Variants in AP2B1 observed in about 807,000 individuals in gnomAD.
The protein encoded by AP2B1 is adaptor related protein complex 2 subunit beta 1, also known as AP-2 complex subunit beta.
AP2B1 carries 23 observed loss-of-function variants against 102.0 expected under a neutral mutation model. The ratio of observed to expected loss-of-function variants is 0.23; its 90% CI spans 0.16 to 0.32. The LOEUF is 0.32. AP2B1 is among the 10% of genes least tolerant of loss of function. AP2B1 has a pLI of 1.00. For missense variants in AP2B1, 541 were observed against 1,157.4 expected, an observed-to-expected ratio of 0.47 and a Z score of 7.73; for synonymous variants, 381 against 421.2, an observed-to-expected ratio of 0.90 and a Z score of 1.17.
At chr17:35,644,782 C>T (rs2074879650) in intron 12 of AP2B1, among the ~76,000 whole-genome samples, 1 of 152,094 alleles carries the variant, frequency 6.6e-6, no homozygotes, top group South Asian at 2.1e-4. Context: ...ACCTGCAATT[C>T]CAGCACTTTG....
chr17:35,618,530 G>A (rs919906625), intron 5 of AP2B1, among the ~76,000 whole-genome samples: 2 of 152,154 alleles, frequency 1.3e-5, no homozygotes, highest in African/African-American at 2.4e-5. Context: ...TTACTTAACA[G>A]GAAGAAGTCA....
chr17:35,671,648 G>A (rs761850468), intron 15 of AP2B1, 106 bp from the exon 16 acceptor site: 17 of 1,127,908 alleles, frequency 1.5e-5, no homozygotes, highest in Non-Finnish European at 2.2e-5. Flanking sequence ...TAATTATGGT[G>A]TTTTCTTATT....
intron 13 of AP2B1, among the ~76,000 whole-genome samples, chr17:35,652,861 T>C (rs1280640300): frequency 6.6e-6 from 1 of 152,228 alleles, no homozygotes; most frequent in Admixed American, 6.5e-5. Context: ...CTAAATGGTA[T>C]GTCAGAAGAT....
intron 6 of AP2B1, among the ~76,000 whole-genome samples, chr17:35,625,296 G>A (rs2074284505): frequency 6.6e-6 from 1 of 152,134 alleles, no homozygotes; most frequent in Non-Finnish European, 1.5e-5. Flanking sequence ...TTTTAATTAT[G>A]GTATTTAAGA....
chr17:35,667,898 T>C (rs566769411), intron 14 of AP2B1, among the ~76,000 whole-genome samples: 64 of 151,444 alleles, frequency 4.2e-4, no homozygotes, highest in Admixed American at 1.2e-3. Flanking sequence ...ACATTTTTCG[T>C]AGGATCCTTT....
At chr17:35,591,214 G>C (rs936471655) in intron 1 of AP2B1, among the ~76,000 whole-genome samples, 24 of 151,390 alleles carry the variant, frequency 1.6e-4, no homozygotes, top group African/African-American at 5.6e-4. Context: ...GGCTGGGCAC[G>C]GTGATCCCAA....
chr17:35,719,673 G>A, intron 21 of AP2B1, among the ~76,000 whole-genome samples: 1 of 152,156 alleles, frequency 6.6e-6, no homozygotes, highest in African/African-American at 2.4e-5. Flanking sequence ...AAGTTTGGAA[G>A]TAATTGTAAA....
At chr17:35,632,000 T>C (rs1314142659) in intron 9 of AP2B1, among the ~76,000 whole-genome samples, 2 of 152,242 alleles carry the variant, frequency 1.3e-5, no homozygotes, top group Non-Finnish European at 2.9e-5. Context: ...GAAGTTTAGA[T>C]TTTTGTATCA....
chr17:35,615,529 TATATTTGGTATTC>T (rs1318758948), intron 5 of AP2B1, among the ~76,000 whole-genome samples: 8 of 152,224 alleles, frequency 5.3e-5, no homozygotes, highest in Admixed American at 2.6e-4. Context: ...TTTGTCAGAA[TATATTTGGTATTC>T]ATGTAGGCTA....
chr17:35,644,243 G>GTT (rs946260812), intron 12 of AP2B1, among the ~76,000 whole-genome samples: 63 of 152,310 alleles, frequency 4.1e-4, no homozygotes, highest in African/African-American at 1.5e-3. Context: ...TAGTCTGAAG[G>GTT]TTAAGAATGA....
chr17:35,703,839 C>A (rs12944227), intron 18 of AP2B1, among the ~76,000 whole-genome samples: 1 of 7,892 alleles, frequency 1.3e-4, no homozygotes, highest in Non-Finnish European at 2.2e-4. Context: ...AATAAAAGTT[C>A]AGTTTTAGAC....
chr17:35,629,253 G>A (rs2142597639), intron 9 of AP2B1, among the ~76,000 whole-genome samples: 2 of 152,176 alleles, frequency 1.3e-5, no homozygotes, highest in Middle Eastern at 6.8e-3. Flanking sequence ...TGGCCCTGGA[G>A]TTTCTTTAAT....
intron 5 of AP2B1, among the ~76,000 whole-genome samples, chr17:35,623,284 C>T (rs1265023659): frequency 6.6e-6 from 1 of 152,080 alleles, no homozygotes; most frequent in East Asian, 1.9e-4. Context: ...AATTTTTCAG[C>T]CGGGCATGGT....
chr17:35,598,432 A>G (rs2073364235), intron 3 of AP2B1, 97 bp downstream of exon 3: 2 of 683,316 alleles, frequency 2.9e-6, no homozygotes, highest in South Asian at 6.0e-5. Context: ...TAATCATAGA[A>G]CCTCTAAGAA....
At chr17:35,703,471 C>T (rs950974150) in intron 18 of AP2B1, among the ~76,000 whole-genome samples, 2 of 152,100 alleles carry the variant, frequency 1.3e-5, no homozygotes, top group Non-Finnish European at 2.9e-5. Context: ...AAATGTGGTA[C>T]ATGTATACCG....
At chr17:35,672,705 C>T (rs1443877192) in intron 16 of AP2B1, among the ~76,000 whole-genome samples, 1 of 152,152 alleles carries the variant, frequency 6.6e-6, no homozygotes, top group African/African-American at 2.4e-5. Context: ...AACTCGGTAG[C>T]TTTGTTGTAA....
At chr17:35,710,763 TATC>T (rs1260880454) in intron 20 of AP2B1, among the ~76,000 whole-genome samples, 1 of 152,234 alleles carries the variant, frequency 6.6e-6, no homozygotes, top group Non-Finnish European at 1.5e-5. Flanking sequence ...TGAAATAATG[TATC>T]ATCATTAGTG....
At chr17:35,683,507 G>A (rs1474960202) in intron 18 of AP2B1, among the ~76,000 whole-genome samples, 1 of 152,180 alleles carries the variant, frequency 6.6e-6, no homozygotes, top group African/African-American at 2.4e-5. Context: ...TGCCCCATTA[G>A]CACCTATCTA....
intron 9 of AP2B1, among the ~76,000 whole-genome samples, chr17:35,632,907 T>A (rs779337106): frequency 2.6e-5 from 4 of 151,714 alleles, no homozygotes; most frequent in Non-Finnish European, 5.9e-5. Context: ...TTCTACATAC[T>A]ACATAATTTA....
Sources: allele counts gnomAD v4.1 joint callset (sites outside exome capture counted in the v4.1 genomes callset), GRCh38; gene constraint gnomAD v4.1.1; transcripts MANE v1.5; gene names NCBI Gene and HGNC (gene_info 2026-07-23, HGNC 2026-07-21).